MORC1: variants seen among roughly 807,000 people sequenced by gnomAD.
MORC1 encodes MORC family CW-type zinc finger protein 1.
A neutral mutation model predicts 134.9 loss-of-function variants in MORC1; 59 were observed. The ratio of observed to expected loss-of-function variants is 0.44; its 90% CI spans 0.35 to 0.54. The LOEUF (loss-of-function observed/expected upper bound fraction) is 0.54, where lower values mean the gene tolerates loss of function less well. Among genes scored for constraint, MORC1 ranks in the 20% least tolerant of loss-of-function variants. The pLI, the probability that MORC1 is intolerant of heterozygous loss-of-function variation, is 0.00. For synonymous variants in MORC1, 395 were observed against 391.7 expected (o/e 1.01, Z -0.10); for missense variants, 947 against 1,134.5 (o/e 0.83, Z 2.37).
chr3:109,000,688 A>G (rs1255194276), intron 20 of MORC1, 30 bp from the exon 21 acceptor site: 2 of 1,532,068 alleles, frequency 1.3e-6, no homozygotes, highest in South Asian at 1.1e-5. Context: ...AAAAAAATAC[A>G]AGGATTAGTG....
chr3:108,981,861 CT>C (rs2107451487), intron 23 of MORC1, among the ~76,000 whole-genome samples: 1 of 152,266 alleles, frequency 6.6e-6, no homozygotes, highest in African/African-American at 2.4e-5. Flanking sequence ...GACTTCATGA[CT>C]AAAACACCAA....
intron 4 of MORC1, 76 bp from the exon 5 acceptor site, chr3:109,100,583 C>A: frequency 2.8e-6 from 3 of 1,089,582 alleles, no homozygotes; most frequent in Middle Eastern, 4.0e-4. Context: ...GTCAGGACCT[C>A]ACATTCCTCA....
chr3:109,084,398 T>C (rs552035847), intron 8 of MORC1, among the ~76,000 whole-genome samples: 1 of 152,190 alleles, frequency 6.6e-6, no homozygotes, highest in African/African-American at 2.4e-5. Flanking sequence ...AGCAATCCCA[T>C]TTATAATAGC....
At chr3:109,075,136 A>G (rs997560954) in intron 8 of MORC1, among the ~76,000 whole-genome samples, 1 of 152,216 alleles carries the variant, frequency 6.6e-6, no homozygotes, top group African/African-American at 2.4e-5. Context: ...TAGACAATCA[A>G]TATCTCCCAG....
At chr3:109,003,212 T>C (rs1211670430) in intron 20 of MORC1, among the ~76,000 whole-genome samples, 1 of 151,978 alleles carries the variant, frequency 6.6e-6, no homozygotes, top group Non-Finnish European at 1.5e-5. Flanking sequence ...GTGGTTTTAT[T>C]AGCAAATCTC....
chr3:109,023,435 T>C (rs1949005767), intron 17 of MORC1, among the ~76,000 whole-genome samples: 2 of 152,214 alleles, frequency 1.3e-5, no homozygotes, highest in South Asian at 2.1e-4. Flanking sequence ...TGCAGAAATA[T>C]ATTGATTATG....
chr3:109,011,155 C>T (rs1948671886), intron 17 of MORC1, among the ~76,000 whole-genome samples: 1 of 152,152 alleles, frequency 6.6e-6, no homozygotes, highest in Non-Finnish European at 1.5e-5. Context: ...TTTGAGACTG[C>T]TGTGAGCTAT....
intron 17 of MORC1, among the ~76,000 whole-genome samples, chr3:109,018,462 G>A (rs1948869945): frequency 6.6e-6 from 1 of 151,938 alleles, no homozygotes; most frequent in Non-Finnish European, 1.5e-5. Context: ...GGAGAAACTA[G>A]TCTCATCTTC....
rs375720146 is a variant in MORC1, at chr3:109,008,607, T to C, written c.1705-1516A>G. On this transcript the variant is annotated intron_variant, in intron 17 of 27. Coordinates refer to ENST00000232603, the MANE Select transcript of MORC1 (RefSeq NM_014429.4). ...TGCTTTATTGATGTCATATACATGT[T>C]TGACATTAGTTCAATCATTTTATTT... Among the ~76,000 whole-genome samples, 123 of 152,130 alleles carry C rather than the reference T, an allele frequency of 8.1e-4. 1 individual carries two copies. The highest frequency in any genetic ancestry group is 6.8e-3 in the Middle Eastern group (2 of 294).
At chr3:109,001,555 G>GT (rs1467816110) in intron 20 of MORC1, among the ~76,000 whole-genome samples, 1 of 152,094 alleles carries the variant, frequency 6.6e-6, no homozygotes, top group Non-Finnish European at 1.5e-5. Context: ...TTTAGCCTTC[G>GT]TGACAGTCTC....
At chr3:109,015,379 T>C (rs2107563069) in intron 17 of MORC1, among the ~76,000 whole-genome samples, 1 of 152,284 alleles carries the variant, frequency 6.6e-6, no homozygotes, top group African/African-American at 2.4e-5. Context: ...AGTCAATGAG[T>C]GGGTTACATT....
intron 20 of MORC1, among the ~76,000 whole-genome samples, chr3:109,002,191 C>CAG (rs1948420795): frequency 6.6e-6 from 1 of 152,234 alleles, no homozygotes; most frequent in Admixed American, 6.5e-5. Flanking sequence ...TACTGGTTAT[C>CAG]AGTTCCAGAG....
chr3:108,976,126 G>T (rs554401590), intron 24 of MORC1, among the ~76,000 whole-genome samples: 1 of 152,166 alleles, frequency 6.6e-6, no homozygotes, highest in African/African-American at 2.4e-5. Flanking sequence ...ATGCCTGACT[G>T]AGCATAATTA....
intron 26 of MORC1, among the ~76,000 whole-genome samples, chr3:108,968,697 G>A (rs545524150): frequency 6.6e-5 from 10 of 152,284 alleles, no homozygotes; most frequent in African/African-American, 2.2e-4. Flanking sequence ...TTCATTATAT[G>A]AGAGCTTTCT....
intron 8 of MORC1, among the ~76,000 whole-genome samples, chr3:109,083,274 A>AT (rs1398083565): frequency 6.7e-6 from 1 of 150,250 alleles, no homozygotes; most frequent in Admixed American, 6.7e-5. Flanking sequence ...TGCTAAAAGT[A>AT]TTTTTTCAAT....
At chr3:109,061,876 C>T (rs947678656) in intron 11 of MORC1, 112 bp downstream of exon 11, 2 of 948,728 alleles carry the variant, frequency 2.1e-6, no homozygotes, top group Non-Finnish European at 3.4e-6. Flanking sequence ...ATCTTCTGAG[C>T]TTATCTGTGC....
chr3:108,996,557 T>C (rs1012623946), intron 21 of MORC1, among the ~76,000 whole-genome samples: 1 of 152,226 alleles, frequency 6.6e-6, no homozygotes. Flanking sequence ...GGCAGTTTTT[T>C]AATCTCCAGA....
At chr3:109,045,972 C>T (rs1029264481) in intron 14 of MORC1, among the ~76,000 whole-genome samples, 1 of 152,098 alleles carries the variant, frequency 6.6e-6, no homozygotes, top group Non-Finnish European at 1.5e-5. Flanking sequence ...CCGTATGCTG[C>T]AAGAAACTTT....
chr3:109,114,576 C>G, intron 1 of MORC1, 139 bp from the exon 2 acceptor site: 1 of 696,644 alleles, frequency 1.4e-6, no homozygotes, highest in Non-Finnish European at 2.3e-6. Context: ...ACAACTCTCT[C>G]AGCACGGTCA....
Sources: gnomAD v4.1 joint callset for allele counts (sites outside exome capture counted in the v4.1 genomes callset) on GRCh38, gnomAD v4.1.1 for gene constraint, MANE v1.5 for transcripts, NCBI Gene and HGNC (gene_info 2026-07-23, HGNC 2026-07-21) for gene names.